Variants in TMEM131L observed in about 807,000 individuals in gnomAD.
TMEM131L encodes transmembrane protein 131-like.
TMEM131L carries 54 observed loss-of-function variants against 192.2 expected under a neutral mutation model. The ratio of observed to expected loss-of-function variants is 0.28; its 90% confidence interval spans 0.23 to 0.35. TMEM131L has a LOEUF of 0.35. TMEM131L is among the 10% of genes least tolerant of loss of function. The probability of loss-of-function intolerance (pLI) is 1.00; values close to 1 mark genes in which losing one functional copy is unlikely to be tolerated. For synonymous variants in TMEM131L, 701 were observed against 704.9 expected, an observed-to-expected ratio of 0.99 and a Z score of 0.09; for missense variants, 1,888 against 1,972.9, an observed-to-expected ratio of 0.96 and a Z score of 0.82.
At chr4:153,604,508 AC>A (rs2126410309) in intron 25 of TMEM131L, 78 bp downstream of exon 25, 1 of 1,373,532 alleles carries the variant, frequency 7.3e-7, no homozygotes, top group East Asian at 2.3e-5. Context: ...CTCACCTGTG[AC>A]CGTTAGTTTT....
chr4:153,566,326 G>A (rs997532604), intron 7 of TMEM131L, among the ~76,000 whole-genome samples: 8 of 151,876 alleles, frequency 5.3e-5, no homozygotes, highest in South Asian at 2.1e-4. Flanking sequence ...TAGTAGAGAC[G>A]GGGTTTCACC....
chr4:153,626,701 G>A (rs1345929777), intron 30 of TMEM131L, among the ~76,000 whole-genome samples: 1 of 152,198 alleles, frequency 6.6e-6, no homozygotes, highest in Non-Finnish European at 1.5e-5. Flanking sequence ...GGAGATCGAG[G>A]CTGCAATGAG....
At chr4:153,474,644 C>T (rs916008912) in intron 3 of TMEM131L, among the ~76,000 whole-genome samples, 1 of 152,212 alleles carries the variant, frequency 6.6e-6, no homozygotes, top group Non-Finnish European at 1.5e-5. Context: ...CAACCTCCGC[C>T]TCCTGGGTTC....
chr4:153,591,277 T>C, intron 17 of TMEM131L, 83 bp downstream of exon 17: 13 of 1,348,732 alleles, frequency 9.6e-6, no homozygotes, highest in Non-Finnish European at 1.3e-5. Context: ...TGTCCACCTT[T>C]AGCTACCATT....
chr4:153,498,878 G>A (rs1733382108), intron 3 of TMEM131L, among the ~76,000 whole-genome samples: 1 of 152,124 alleles, frequency 6.6e-6, no homozygotes, highest in South Asian at 2.1e-4. Flanking sequence ...TAGAGCTTTT[G>A]CCAACCTTTC....
At chr4:153,537,392 T>G (rs1736416689) in intron 3 of TMEM131L, among the ~76,000 whole-genome samples, 2 of 152,198 alleles carry the variant, frequency 1.3e-5, no homozygotes, top group African/African-American at 4.8e-5. Context: ...AGCAGGTTTA[T>G]TAAGAAAGTA....
rs368761454 is a variant in TMEM131L at position 153,478,317 on chromosome 4, C to T, written c.239+4429C>T. 2.6e-5 allele frequency among the ~76,000 whole-genome samples: 4 copies of T among 152,222 alleles called. No individual in the cohort carries two copies. The East Asian group carries it at 5.8e-4, about 22-fold the overall frequency. On this transcript the variant is annotated intron_variant, in intron 3 of 34. Coordinates refer to ENST00000409959, the MANE Select transcript of TMEM131L (RefSeq NM_001131007.2). Reference sequence around the variant, plus strand: ...GATTGGTAAATTAGTCACCTACGTACTTACTATTCATTTACCTTCTACCTT... The same window carrying T: ...GATTGGTAAATTAGTCACCTACGTATTTACTATTCATTTACCTTCTACCTT...
intron 7 of TMEM131L, among the ~76,000 whole-genome samples, chr4:153,565,400 C>T (rs10010874): frequency 0.082 from 12,473 of 152,138 alleles, 1,518 homozygotes; most frequent in African/African-American, 0.26. Flanking sequence ...GATTTACTAC[C>T]GGGGCAGGTG....
intron 3 of TMEM131L, among the ~76,000 whole-genome samples, chr4:153,483,274 A>G (rs1732070692): frequency 6.6e-6 from 1 of 152,242 alleles, no homozygotes; most frequent in Non-Finnish European, 1.5e-5. Context: ...GCTTTGCTTC[A>G]TTCCATATGC....
intron 3 of TMEM131L, among the ~76,000 whole-genome samples, chr4:153,477,609 A>T (rs577478804): frequency 7.0e-4 from 107 of 151,968 alleles, no homozygotes; most frequent in Non-Finnish European, 1.3e-3. Context: ...TAAAAAAAAA[A>T]TTTTACATCA....
chr4:153,566,163 TCTCA>T (rs1729174846), intron 7 of TMEM131L, among the ~76,000 whole-genome samples: 1 of 150,518 alleles, frequency 6.6e-6, no homozygotes, highest in Non-Finnish European at 1.5e-5. Flanking sequence ...GAGACAAGAG[TCTCA>T]CTCTGTCGCC....
Position 153,602,539 on chromosome 4 carries a change from C to T in TMEM131L, c.2454-3C>T, listed in dbSNP as rs1233930763. The T allele has an allele frequency of 4.3e-6, 7 of 1,612,892 alleles. No individual in the cohort carries two copies. Among genetic ancestry groups the T allele is most frequent in the East Asian group, 2.2e-5 (1 of 44,884 alleles). ...TTCATAAAGATGACTCTTTTATTTT[C>T]AGGTTCACTCCAGACTTTACCTCCT... On this transcript the variant is annotated splice_polypyrimidine_tract_variant and splice_region_variant and intron_variant, in intron 22 of 34. Transcript: ENST00000409959.
At chr4:153,469,802 T>C (rs563276039) in intron 2 of TMEM131L, among the ~76,000 whole-genome samples, 114 of 152,252 alleles carry the variant, frequency 7.5e-4, no homozygotes, top group African/African-American at 2.7e-3. Flanking sequence ...GGTGCAGGCC[T>C]GTAATCCCAG....
chr4:153,529,396 A>G (rs1735730466), intron 3 of TMEM131L, among the ~76,000 whole-genome samples: 1 of 152,238 alleles, frequency 6.6e-6, no homozygotes. Flanking sequence ...CATCTTCAGC[A>G]TGACTTGAAG....
At chr4:153,485,285 AC>A (rs1443357561) in intron 3 of TMEM131L, among the ~76,000 whole-genome samples, 1 of 152,194 alleles carries the variant, frequency 6.6e-6, no homozygotes, top group Non-Finnish European at 1.5e-5. Flanking sequence ...ATACATGTAC[AC>A]ATCCCAGTTT....
chr4:153,475,267 G>A (rs551427745), intron 3 of TMEM131L, among the ~76,000 whole-genome samples: 14 of 152,236 alleles, frequency 9.2e-5, no homozygotes, highest in African/African-American at 3.4e-4. Flanking sequence ...AGGACCCAAT[G>A]AATTTGACAA....
At chr4:153,500,897 C>T (rs1019694906) in intron 3 of TMEM131L, among the ~76,000 whole-genome samples, 1 of 152,066 alleles carries the variant, frequency 6.6e-6, no homozygotes, top group Admixed American at 6.6e-5. Flanking sequence ...CCTCTTTCTC[C>T]AGAGACGCCG....
chr4:153,496,024 C>T (rs766241886), intron 3 of TMEM131L, among the ~76,000 whole-genome samples: 2 of 152,064 alleles, frequency 1.3e-5, no homozygotes, highest in African/African-American at 2.4e-5. Flanking sequence ...AGATGGATTC[C>T]TAGAGTGCCA....
chr4:153,486,055 C>T (rs1467000696), intron 3 of TMEM131L, among the ~76,000 whole-genome samples: 2 of 152,098 alleles, frequency 1.3e-5, no homozygotes, highest in African/African-American at 2.4e-5. Flanking sequence ...ATTAGATGTA[C>T]AGCTGTCTGT....
Sources: allele counts gnomAD v4.1 joint callset (sites outside exome capture counted in the v4.1 genomes callset), GRCh38; gene constraint gnomAD v4.1.1; transcripts MANE v1.5; gene names NCBI Gene and HGNC (gene_info 2026-07-23, HGNC 2026-07-21).